Variants in PCM1 observed in about 807,000 individuals in gnomAD.
PCM1 encodes the protein pericentriolar material 1 protein.
In PCM1, 157 loss-of-function variants were observed where a neutral mutation model predicts 241.9. That is an observed-to-expected ratio of 0.65 (90% CI 0.57 to 0.74). PCM1 has a LOEUF of 0.74. Ranked by LOEUF, PCM1 falls within the 30% of genes least tolerant of loss-of-function variation. The probability of loss-of-function intolerance (pLI) is 0.00; values close to 1 mark genes in which losing one functional copy is unlikely to be tolerated. For synonymous variants in PCM1, 1,085 were observed against 784.9 expected (o/e 1.38, Z -6.39); for missense variants, 3,478 against 2,360.1 (o/e 1.47, Z -9.81).
intron 26 of PCM1, among the ~76,000 whole-genome samples, chr8:17,988,436 C>T (rs1421919916): frequency 6.6e-6 from 1 of 151,568 alleles, no homozygotes; most frequent in Non-Finnish European, 1.5e-5. Context: ...GTGTAAAAGC[C>T]AACACTATTA....
In PCM1 at chr8:18,028,769, C is replaced by CAAAG; in HGVS notation, c.*1110_*1113dup. On this transcript the variant is annotated 3_prime_UTR_variant, in exon 39 of 39. Coordinates refer to ENST00000325083, the MANE Select transcript of PCM1 (RefSeq NM_006197.4). ...AGATTCTTCTTCCTCGAATAAAATA[C>CAAAG]AAAGAATTAGTTCCAATAAGTATTT... 1 of 192,958 alleles carries CAAAG rather than the reference C, an allele frequency of 5.2e-6. No individual in the cohort carries two copies. Among genetic ancestry groups the CAAAG allele is most frequent in the South Asian group, 1.9e-4 (1 of 5,164 alleles). The allele number at this position is 192,958 out of a possible 1,614,324, so 12.0% of individuals were successfully genotyped here. A position where few individuals can be genotyped will look rare whatever the true frequency, so the allele number is the denominator to read the frequency against.
At position 18,010,627 on chromosome 8, in the gene PCM1, G is replaced by T; in HGVS notation, c.5179G>T (p.Asp1727Tyr). 6.2e-7 allele frequency: 1 copy of T among 1,602,514 alleles called. No individual in the cohort carries two copies. The highest frequency in any genetic ancestry group is 8.5e-7 in the Non-Finnish European group (1 of 1,175,012). ...CAKEAKRILE[D>Y]HGSPAGEIDD... is the part of the protein sequence containing the mutation. ...TTTAAAGGCTAAAAGGATTCTTGAA[G>T]ATCATGGCTCACCTGCTGGAGAGAT... The change falls in exon 32 of 39, where the codon GAT (aspartate) becomes TAT (tyrosine). Residue 1727 changes from aspartate to tyrosine, a missense_variant. Asp to Tyr is a radical substitution (Grantham distance 160, BLOSUM62 -3). Transcript: ENST00000325083.
At chr8:17,990,099 G>A (rs1041322267) in intron 27 of PCM1, 120 bp downstream of exon 27, 1 of 689,972 alleles carries the variant, frequency 1.4e-6, no homozygotes, top group Non-Finnish European at 2.2e-6. Flanking sequence ...GAAAGAATGT[G>A]GACTTAATTA....
At chr8:17,979,357 G>T (rs765078200) in intron 23 of PCM1, among the ~76,000 whole-genome samples, 1 of 152,162 alleles carries the variant, frequency 6.6e-6, no homozygotes, top group Non-Finnish European at 1.5e-5. Flanking sequence ...CAAGTTTTAT[G>T]TGTTCTTTTC....
In PCM1 at chr8:17,966,442, C is replaced by T; in HGVS notation, c.3190C>T (p.Gln1064Ter). ...IMHQLNQCYT[Q>*]LTWQQNNVQR... ...GCACCAGTTGAACCAGTGCTATACT[C>T]AGCTAACATGGCAACAGAATAATGT... Residue 1064 changes from glutamine to a stop codon, truncating the protein, a stop_gained, in exon 20 of 39, where the codon CAG becomes TAG. Coordinates refer to ENST00000325083, the MANE Select transcript of PCM1 (RefSeq NM_006197.4). LOFTEE classifies it high-confidence loss of function. 1 of 1,613,698 alleles carries T rather than the reference C, an allele frequency of 6.2e-7. No homozygotes were observed. Among genetic ancestry groups the T allele is most frequent in the African/African-American group, 1.3e-5 (1 of 75,048 alleles).
At position 18,027,694 on chromosome 8, in the gene PCM1, T is replaced by A; in HGVS notation, c.*32T>A. 6.6e-7 allele frequency: 1 copy of A among 1,517,500 alleles called. No homozygotes were observed. Among genetic ancestry groups the A allele is most frequent in the Non-Finnish European group, 9.1e-7 (1 of 1,101,732 alleles). 94.0% of individuals were successfully genotyped at this position (1,517,500 alleles called of 1,614,324 possible). ...TTCAGAGGCTCATCTAACTCTGTCCTTACATACTCAATGCATATATGAAAA... is the reference window on the plus strand; with the variant it reads ...TTCAGAGGCTCATCTAACTCTGTCCATACATACTCAATGCATATATGAAAA... On this transcript the variant is annotated 3_prime_UTR_variant, in exon 39 of 39. Transcript: ENST00000325083.
chr8:17,962,229 T>G (rs2072630347), intron 16 of PCM1, 55 bp downstream of exon 16: 2 of 1,476,892 alleles, frequency 1.4e-6, no homozygotes, highest in Non-Finnish European at 1.8e-6. Context: ...TTCCTTTTTT[T>G]TTCTTCAATA....
At chr8:17,988,551 CTT>C (rs1196073270) in intron 26 of PCM1, among the ~76,000 whole-genome samples, 2 of 151,764 alleles carry the variant, frequency 1.3e-5, no homozygotes. Flanking sequence ...AGAAATTAGA[CTT>C]AACAAAAATA....
At chr8:17,956,235 C>G (rs2068411713) in intron 10 of PCM1, among the ~76,000 whole-genome samples, 1 of 152,058 alleles carries the variant, frequency 6.6e-6, no homozygotes, top group African/African-American at 2.4e-5. Flanking sequence ...GTCTGTATAC[C>G]TGATTTTCCT....
At chr8:17,927,810 A>G (rs1341684838) in intron 2 of PCM1, 1 of 150,630 alleles carries the variant, frequency 6.6e-6, no homozygotes, top group Non-Finnish European at 1.5e-5. Context: ...CAGCTTCCCT[A>G]AGTCCTGGGA....
chr8:17,976,854 CAT>C (rs2078953164), intron 23 of PCM1, among the ~76,000 whole-genome samples: 1 of 151,888 alleles, frequency 6.6e-6, no homozygotes, highest in Non-Finnish European at 1.5e-5. Flanking sequence ...ATTTGGGACT[CAT>C]ATATAAAACC....
At chr8:18,005,372 T>TA (rs397821141) in intron 29 of PCM1, among the ~76,000 whole-genome samples, 1 of 151,206 alleles carries the variant, frequency 6.6e-6, no homozygotes, top group African/African-American at 2.4e-5. Context: ...TTTTTTTTTT[T>TA]AAATCGCCTG....
chr8:18,018,848 G>GTATATATATATATATATATATA (rs765183382), intron 36 of PCM1, among the ~76,000 whole-genome samples: 1 of 36,296 alleles, frequency 2.8e-5, no homozygotes, highest in African/African-American at 9.4e-5. Flanking sequence ...ATGTGTGTGT[G>GTATATATATATATATATATATA]TGTGTATATA....
intron 23 of PCM1, among the ~76,000 whole-genome samples, chr8:17,973,589 G>T (rs1332430056): frequency 1.3e-5 from 2 of 151,850 alleles, no homozygotes; most frequent in African/African-American, 4.8e-5. Flanking sequence ...CATGGTGGGC[G>T]TGCCTGTAAT....
chr8:17,942,887 C>T (rs2062598938), intron 6 of PCM1, among the ~76,000 whole-genome samples: 1 of 151,706 alleles, frequency 6.6e-6, no homozygotes, highest in Non-Finnish European at 1.5e-5. Flanking sequence ...ATCTCAGCTA[C>T]TCAGGAGGCT....
chr8:17,957,883 GTATCA>G (rs2069388149), intron 13 of PCM1, 108 bp downstream of exon 13: 1 of 728,514 alleles, frequency 1.4e-6, no homozygotes, highest in Non-Finnish European at 2.2e-6. Context: ...ACACATTTAT[GTATCA>G]TATGTGAGGT....
chr8:17,969,203 C>T lies in PCM1; in HGVS notation c.3413-374C>T, dbSNP rs140522392. Among the ~76,000 whole-genome samples the T allele has an allele frequency of 3.6e-4, 55 of 152,112 alleles. 1 individual carries two copies. In the East Asian group the frequency reaches 9.3e-3, roughly 26 times the overall value. ...ATTTATTAGACGTTTGATTTCTAACCGTATTTGCTCACTGGTAAAATGAAT... is the reference window on the plus strand; with the variant it reads ...ATTTATTAGACGTTTGATTTCTAACTGTATTTGCTCACTGGTAAAATGAAT... On this transcript the variant is annotated intron_variant, in intron 21 of 38. Coordinates refer to ENST00000325083, the MANE Select transcript of PCM1 (RefSeq NM_006197.4).
chr8:17,947,779 G>C (rs933257518), intron 7 of PCM1, among the ~76,000 whole-genome samples: 13 of 152,174 alleles, frequency 8.5e-5, no homozygotes, highest in Non-Finnish European at 1.8e-4. Context: ...TTTATAAAGT[G>C]TCTTTAACCT....
At chr8:18,026,027 G>C (rs191394478) in intron 38 of PCM1, among the ~76,000 whole-genome samples, 2 of 151,350 alleles carry the variant, frequency 1.3e-5, no homozygotes, top group Non-Finnish European at 2.9e-5. Flanking sequence ...AGCCAAGCGC[G>C]GTGGCGGGCG....
Sources: allele counts gnomAD v4.1 joint callset (sites outside exome capture counted in the v4.1 genomes callset), GRCh38; gene constraint gnomAD v4.1.1; transcripts MANE v1.5; gene names NCBI Gene and HGNC (gene_info 2026-07-23, HGNC 2026-07-21).